ZNF475: variants seen among roughly 807,000 people sequenced by gnomAD.
ZNF475 encodes zinc finger protein 475.
At chr5:122,179,459 T>C in the ZNF475 span, 2 of 555,672 alleles carry the variant, frequency 3.6e-6, no homozygotes, top group Non-Finnish European at 6.1e-6. Context: ...GTCCTTCATA[T>C]CCCTTGTAAG....
At chr5:122,175,278 G>T in the ZNF475 span, among the ~76,000 whole-genome samples, 1 of 151,930 alleles carries the variant, frequency 6.6e-6, no homozygotes, top group African/African-American at 2.4e-5. Flanking sequence ...TTTTGATATT[G>T]GTCTGTGAAA....
At chr5:122,162,135 A>G in the ZNF475 span, 2 of 152,222 alleles carry the variant, frequency 1.3e-5, no homozygotes, top group African/African-American at 4.8e-5. Flanking sequence ...TGCATTGGAA[A>G]TATCAATAGT....
the ZNF475 span, among the ~76,000 whole-genome samples, chr5:122,170,572 T>A: frequency 6.6e-6 from 1 of 152,054 alleles, no homozygotes; most frequent in Admixed American, 6.6e-5. Context: ...CTCTCTGGGG[T>A]CACCACACTC....
the ZNF475 span, chr5:122,179,632 A>G: frequency 6.5e-7 from 1 of 1,534,500 alleles, no homozygotes; most frequent in Non-Finnish European, 8.7e-7. Flanking sequence ...AGCATTCATG[A>G]GCCACAATGT....
At chr5:122,179,875 C>G in the ZNF475 span, 1 of 573,422 alleles carries the variant, frequency 1.7e-6, no homozygotes, top group South Asian at 3.1e-5. Flanking sequence ...ATAAGAAAAA[C>G]AGTTCTGAAA....
chr5:122,167,624 T>C, the ZNF475 span, among the ~76,000 whole-genome samples: 1 of 152,230 alleles, frequency 6.6e-6, no homozygotes, highest in Non-Finnish European at 1.5e-5. Context: ...CACTAAACTG[T>C]ATCTGCACTA....
the ZNF475 span, among the ~76,000 whole-genome samples, chr5:122,164,692 T>C: frequency 0.025 from 3,761 of 152,256 alleles, 65 homozygotes; most frequent in Non-Finnish European, 0.039. Flanking sequence ...CTTCTGATAA[T>C]TTTTAAGGAC....
At chr5:122,169,896 C>T in the ZNF475 span, among the ~76,000 whole-genome samples, 5 of 152,138 alleles carry the variant, frequency 3.3e-5, no homozygotes, top group Non-Finnish European at 7.4e-5. Flanking sequence ...ACAGCCTAGA[C>T]TAAAATATCT....
At chr5:122,167,143 C>G in the ZNF475 span, among the ~76,000 whole-genome samples, 3 of 152,162 alleles carry the variant, frequency 2.0e-5, no homozygotes, top group African/African-American at 7.2e-5. Flanking sequence ...CTACATATGG[C>G]TAGCCAAGAA....
the ZNF475 span, among the ~76,000 whole-genome samples, chr5:122,177,481 C>T: frequency 6.6e-6 from 1 of 152,150 alleles, no homozygotes; most frequent in Non-Finnish European, 1.5e-5. Flanking sequence ...AGAAGGCAAT[C>T]AATCAATATT....
the ZNF475 span, chr5:122,179,759 C>T: frequency 2.1e-6 from 3 of 1,431,276 alleles, no homozygotes; most frequent in African/African-American, 2.9e-5. Context: ...GATTTGAGTG[C>T]ATAAGGGGAG....
At chr5:122,168,917 C>A in the ZNF475 span, among the ~76,000 whole-genome samples, 2 of 152,126 alleles carry the variant, frequency 1.3e-5, no homozygotes, top group African/African-American at 4.8e-5. Context: ...TTTGTCAAAT[C>A]TCCACCCCAC....
At chr5:122,165,254 T>A in the ZNF475 span, among the ~76,000 whole-genome samples, 4 of 152,240 alleles carry the variant, frequency 2.6e-5, no homozygotes, top group Non-Finnish European at 5.9e-5. Flanking sequence ...ACAATGGAAA[T>A]GCAGTATCAA....
At chr5:122,172,760 G>A in the ZNF475 span, among the ~76,000 whole-genome samples, 3 of 152,122 alleles carry the variant, frequency 2.0e-5, no homozygotes, top group Non-Finnish European at 2.9e-5. Context: ...TGGGCCGGGC[G>A]CGGTGGCTCA....
the ZNF475 span, chr5:122,163,025 A>C: frequency 6.6e-6 from 1 of 152,220 alleles, no homozygotes. Flanking sequence ...ATGCACAGTT[A>C]AATCAAATAC....
At chr5:122,177,443 C>G in the ZNF475 span, among the ~76,000 whole-genome samples, 1 of 152,052 alleles carries the variant, frequency 6.6e-6, no homozygotes, top group South Asian at 2.1e-4. Flanking sequence ...TTGTATTCTC[C>G]CAGCATAGTA....
chr5:122,179,420 G>T, the ZNF475 span: 1 of 407,666 alleles, frequency 2.5e-6, no homozygotes, highest in Non-Finnish European at 4.4e-6. Context: ...TATTTCCTTG[G>T]GTAGTGGTTT....
chr5:122,165,485 T>C, the ZNF475 span, among the ~76,000 whole-genome samples: 1 of 152,286 alleles, frequency 6.6e-6, no homozygotes. Context: ...ATTCTACATG[T>C]TGTGACTTGT....
the ZNF475 span, among the ~76,000 whole-genome samples, chr5:122,177,570 C>G: frequency 3.7e-4 from 57 of 152,190 alleles, no homozygotes; most frequent in Non-Finnish European, 7.1e-4. Context: ...GAAGCCATGT[C>G]CTCACCTCAA....
Sources: gnomAD v4.1 joint callset for allele counts (sites outside exome capture counted in the v4.1 genomes callset) on GRCh38, gnomAD v4.1.1 for gene constraint, MANE v1.5 for transcripts, NCBI Gene and HGNC (gene_info 2026-07-23, HGNC 2026-07-21) for gene names.